The following ADGRB3 variants were observed in gnomAD, a reference collection of about 807,000 sequenced individuals.
The protein encoded by ADGRB3 is brain-specific angiogenesis inhibitor 3.
ADGRB3 carries 37 observed loss-of-function variants against 193.4 expected under a neutral mutation model. That is an observed-to-expected ratio of 0.19 (90% CI 0.15 to 0.25). ADGRB3 has a LOEUF of 0.25. ADGRB3 is among the 10% of genes least tolerant of loss of function. ADGRB3 has a pLI of 1.00. For missense variants in ADGRB3, 1,637 were observed against 1,852.9 expected (o/e 0.88, Z 2.14); for synonymous variants, 690 against 644.2 (o/e 1.07, Z -1.08).
chr6:68,771,010 A>G (rs1269312067), intron 3 of ADGRB3, among the ~76,000 whole-genome samples: 1 of 152,106 alleles, frequency 6.6e-6, no homozygotes, highest in Non-Finnish European at 1.5e-5. Flanking sequence ...TGACTGGCAC[A>G]TGGCTGGCTG....
intron 29 of ADGRB3, 49 bp downstream of exon 29, chr6:69,361,561 G>A (rs758698061): frequency 3.9e-6 from 6 of 1,533,376 alleles, no homozygotes; most frequent in Non-Finnish European, 5.3e-6. Flanking sequence ...AATATGAATA[G>A]ATATAAATAG....
chr6:68,794,978 A>G (rs1582208058), intron 3 of ADGRB3, among the ~76,000 whole-genome samples: 1 of 152,102 alleles, frequency 6.6e-6, no homozygotes, highest in Non-Finnish European at 1.5e-5. Flanking sequence ...ATAAATTTTT[A>G]TAAATACTAT....
intron 4 of ADGRB3, among the ~76,000 whole-genome samples, chr6:68,932,004 G>A (rs1767350458): frequency 6.6e-6 from 1 of 152,002 alleles, no homozygotes; most frequent in South Asian, 2.1e-4. Context: ...GCATTATCAG[G>A]TTTAGGCAAA....
chr6:69,379,146 A>G (rs1280221263), intron 30 of ADGRB3, among the ~76,000 whole-genome samples: 1 of 152,052 alleles, frequency 6.6e-6, no homozygotes, highest in African/African-American at 2.4e-5. Context: ...AAAGATGCAT[A>G]TAATATTTGA....
At position 69,086,028 on chromosome 6, in the gene ADGRB3, T is replaced by A. The variant is rs373263640; in HGVS notation, c.2480+9990T>A. On this transcript the variant is annotated intron_variant, in intron 17 of 31. Coordinates refer to ENST00000370598, the MANE Select transcript of ADGRB3 (RefSeq NM_001704.3). ...CTTCTGTTTAATGATTTTCATTTGA[T>A]ATAATGGACATAAGTAATTATACTT... is the stretch of plus-strand genomic sequence containing the variant. 2.0e-5 allele frequency among the ~76,000 whole-genome samples: 3 copies of A among 152,004 alleles called. No homozygotes were observed. In the East Asian group the frequency reaches 5.8e-4, roughly 29 times the overall value.
chr6:68,962,366 A>G (rs1768260563), intron 8 of ADGRB3, among the ~76,000 whole-genome samples: 1 of 152,200 alleles, frequency 6.6e-6, no homozygotes, highest in Non-Finnish European at 1.5e-5. Flanking sequence ...AATTAATAAC[A>G]GATAGTACTA....
chr6:68,649,816 T>A (rs2880145), intron 3 of ADGRB3, among the ~76,000 whole-genome samples: 26,116 of 152,102 alleles, frequency 0.17, 2,460 homozygotes, highest in South Asian at 0.3. Flanking sequence ...CTTGCATTGC[T>A]GTGGGTTGGC....
chr6:69,221,905 A>G (rs554806408), intron 17 of ADGRB3, among the ~76,000 whole-genome samples: 2 of 152,252 alleles, frequency 1.3e-5, no homozygotes, highest in South Asian at 2.1e-4. Context: ...CTGGCCACCC[A>G]TGACTTAATA....
At chr6:68,715,826 A>T (rs1221514521) in intron 3 of ADGRB3, among the ~76,000 whole-genome samples, 1 of 151,758 alleles carries the variant, frequency 6.6e-6, no homozygotes, top group East Asian at 1.9e-4. Context: ...ATAAAAAAGG[A>T]AACAATTTTA....
intron 3 of ADGRB3, among the ~76,000 whole-genome samples, chr6:68,804,817 T>C (rs1767373376): frequency 6.6e-6 from 1 of 152,174 alleles, no homozygotes; most frequent in Non-Finnish European, 1.5e-5. Flanking sequence ...TTATTTTATA[T>C]ATCAGATCAT....
chr6:69,163,248 G>A (rs1775043688), intron 17 of ADGRB3, among the ~76,000 whole-genome samples: 1 of 152,068 alleles, frequency 6.6e-6, no homozygotes, highest in Non-Finnish European at 1.5e-5. Context: ...AAGTTGAAAT[G>A]TGTGTTTTTC....
intron 11 of ADGRB3, among the ~76,000 whole-genome samples, chr6:69,004,806 G>T (rs757172382): frequency 3.3e-5 from 5 of 152,082 alleles, no homozygotes; most frequent in Admixed American, 6.5e-5. Context: ...TTTTGGGGTT[G>T]GGGGGTGCTG....
At chr6:69,238,383 T>A (rs1354733494) in intron 19 of ADGRB3, among the ~76,000 whole-genome samples, 1 of 152,106 alleles carries the variant, frequency 6.6e-6, no homozygotes, top group African/African-American at 2.4e-5. Context: ...AGCAGTTTTC[T>A]CTATGGCTTA....
intron 29 of ADGRB3, among the ~76,000 whole-genome samples, chr6:69,362,616 G>A (rs1055472942): frequency 1.3e-5 from 2 of 151,942 alleles, no homozygotes; most frequent in Non-Finnish European, 2.9e-5. Flanking sequence ...AAGTCCCTAA[G>A]TTCTGGATCA....
intron 30 of ADGRB3, among the ~76,000 whole-genome samples, chr6:69,373,635 C>A (rs1285690434): frequency 2.0e-5 from 3 of 152,042 alleles, no homozygotes; most frequent in African/African-American, 7.2e-5. Context: ...CAATATTCAG[C>A]AATCTTTGCC....
intron 20 of ADGRB3, among the ~76,000 whole-genome samples, chr6:69,293,883 C>T (rs1043873205): frequency 4.0e-5 from 6 of 151,852 alleles, no homozygotes; most frequent in Non-Finnish European, 7.4e-5. Flanking sequence ...TTTCTTCTGT[C>T]GGAAAGAACA....
chr6:69,246,485 C>A (rs1288913028), intron 20 of ADGRB3, among the ~76,000 whole-genome samples: 2 of 152,088 alleles, frequency 1.3e-5, no homozygotes, highest in African/African-American at 2.4e-5. Flanking sequence ...TTCTTGATTT[C>A]CCCAGGCTCC....
At chr6:68,786,829 T>C (rs1030403451) in intron 3 of ADGRB3, among the ~76,000 whole-genome samples, 6 of 152,020 alleles carry the variant, frequency 3.9e-5, no homozygotes, top group Non-Finnish European at 7.4e-5. Flanking sequence ...TTTTATTTCA[T>C]TGAGCAGTGG....
chr6:68,828,538 G>A (rs1448185476), intron 3 of ADGRB3, among the ~76,000 whole-genome samples: 1 of 152,124 alleles, frequency 6.6e-6, no homozygotes, highest in Non-Finnish European at 1.5e-5. Flanking sequence ...TGTTGAGGCT[G>A]ATGATTAAGG....
Sources: allele counts gnomAD v4.1 joint callset (sites outside exome capture counted in the v4.1 genomes callset), GRCh38; gene constraint gnomAD v4.1.1; transcripts MANE v1.5; gene names NCBI Gene and HGNC (gene_info 2026-07-23, HGNC 2026-07-21).